COMMD5: variants seen among roughly 807,000 people sequenced by gnomAD.
The protein encoded by COMMD5 is COMM domain-containing protein 5.
In COMMD5, 10 loss-of-function variants were observed where a neutral mutation model predicts 6.9. That is an observed-to-expected ratio of 1.44 (90% CI 0.89 to 2.45). The LOEUF (loss-of-function observed/expected upper bound fraction) is 2.45, where lower values mean the gene tolerates loss of function less well. Among genes scored for constraint, COMMD5 ranks in the 30% most tolerant of loss-of-function variants. The pLI, the probability that COMMD5 is intolerant of heterozygous loss-of-function variation, is 0.00. For missense variants in COMMD5, 234 were observed against 287.8 expected (o/e 0.81, Z 1.35); for synonymous variants, 127 against 125.3 (o/e 1.01, Z -0.09).
At chr8:144,841,669 GGA>G (rs1829928457) in exon 2 of COMMD5, 5 of 1,613,910 alleles carry the variant, frequency 3.1e-6, no homozygotes, top group Non-Finnish European at 4.2e-6. Context: ...TGAAAGTCAG[GGA>G]GAGAGTGCGG....
downstream of COMMD5, chr8:144,846,605 A>T (rs1270323220): frequency 1.2e-5 from 2 of 169,790 alleles, no homozygotes; most frequent in African/African-American, 4.8e-5. Flanking sequence ...ATGTCACGGT[A>T]CAACTGAGAA....
chr8:144,842,918 C>G (rs1830138939), intron 1 of COMMD5: 4 of 1,614,056 alleles, frequency 2.5e-6, no homozygotes, highest in Non-Finnish European at 3.4e-6. Flanking sequence ...AGAATACACA[C>G]TAGGGCCCAG....
chr8:144,851,665 C>T (rs990604989), intron 1 of COMMD5, among the ~76,000 whole-genome samples: 1 of 151,864 alleles, frequency 6.6e-6, no homozygotes, highest in Non-Finnish European at 1.5e-5. Flanking sequence ...GACCAGGAAA[C>T]AGCACAAGTT....
intron 1 of COMMD5, 99 bp from the exon 2 acceptor site, chr8:144,851,494 T>C (rs1830743623): frequency 9.8e-6 from 8 of 816,346 alleles, no homozygotes; most frequent in Non-Finnish European, 1.5e-5. Context: ...GCTGACAGTG[T>C]GAACTACCAA....
intron 1 of COMMD5, among the ~76,000 whole-genome samples, chr8:144,844,725 A>ACAAAC (rs1563850625): frequency 3.1e-4 from 19 of 60,954 alleles, no homozygotes; most frequent in African/African-American, 1.2e-3. Context: ...AAAAAAAAAA[A>ACAAAC]AAAAAAAAAA....
At chr8:144,838,100 C>G (rs561748176), downstream of COMMD5, 1 of 702,860 alleles carries the variant, frequency 1.4e-6, no homozygotes, top group African/African-American at 1.7e-5. Flanking sequence ...CCTGCCTCTC[C>G]GGGCAGCTGG....
At chr8:144,841,586 C>T in exon 2 of COMMD5, 1 of 1,614,106 alleles carries the variant, frequency 6.2e-7, no homozygotes, top group Non-Finnish European at 8.5e-7. Flanking sequence ...ACTGTGGTTC[C>T]CAAGACCTTC....
downstream of COMMD5, chr8:144,847,210 G>C (rs1023642142): frequency 6.6e-6 from 1 of 152,292 alleles, no homozygotes; most frequent in Non-Finnish European, 1.5e-5. Context: ...GGCTGCTCAT[G>C]GGGTAGTGCA....
At position 144,850,720 on chromosome 8, in the gene COMMD5, C is replaced by A. The variant is rs766041800; in HGVS notation, c.619G>T (p.Val207Phe). The A allele has an allele frequency of 6.2e-6, 10 of 1,614,114 alleles. No individual in the cohort carries two copies. Among genetic ancestry groups the A allele is most frequent in the South Asian group, 1.1e-5 (1 of 91,082 alleles). The change falls in exon 2 of 2, where the codon GTC becomes TTC. Residue 207 changes from valine to phenylalanine, a missense_variant. Transcript: ENST00000305103. The surrounding 1 kb of genome is among the most constrained non-coding windows in gnomAD (Gnocchi z 4.0). ...FQELRYSVAL[V>F]LKEMADLEKR... ...TCCAGATCTGCCATCTCCTTTAGGACCAGGGCCACGCTGTACCGCAGCTCC... is the reference window on the plus strand; with the variant it reads ...TCCAGATCTGCCATCTCCTTTAGGAACAGGGCCACGCTGTACCGCAGCTCC...
At chr8:144,841,417 T>C (rs771990022) in exon 2 of COMMD5, 1 of 1,613,780 alleles carries the variant, frequency 6.2e-7, no homozygotes, top group Non-Finnish European at 8.5e-7. Flanking sequence ...AAAATCAGAA[T>C]CCTATGGGAC....
At position 144,841,048 on chromosome 8, in the gene COMMD5, TC is replaced by T. The variant is rs1829836595; in HGVS notation, c.*811del. ...CCCACCCTTCTGGTCTTGCTTTGTCTCCTTTGCCTCTGCATGGACTGTGCCC... is the reference window on the plus strand; with the variant it reads ...CCCACCCTTCTGGTCTTGCTTTGTCTCTTTGCCTCTGCATGGACTGTGCCC... On this transcript the variant is annotated 3_prime_UTR_variant and NMD_transcript_variant, in exon 2 of 2. Transcript: ENST00000530332. 2.3e-5 allele frequency: 7 copies of T among 300,566 alleles called. No homozygotes were observed. In the East Asian group the frequency reaches 4.3e-4, roughly 19 times the overall value. 18.6% of individuals were successfully genotyped at this position (300,566 alleles called of 1,614,324 possible).
chr8:144,846,115 T>TCCTGGTTCATGAACCA (rs1371881039), downstream of COMMD5: 1 of 1,536,258 alleles, frequency 6.5e-7, no homozygotes, highest in South Asian at 1.2e-5. Context: ...CATCTCCTCT[T>TCCTGGTTCATGAACCA]GGCCACTTCC....
downstream of COMMD5, among the ~76,000 whole-genome samples, chr8:144,840,454 G>A (rs750715714): frequency 3.9e-5 from 6 of 152,292 alleles, no homozygotes; most frequent in Admixed American, 6.5e-5. Flanking sequence ...CTGTGGCTGC[G>A]TGGTTGTGGT....
At chr8:144,839,028 T>A (rs574358094), downstream of COMMD5, among the ~76,000 whole-genome samples, 1 of 144,016 alleles carries the variant, frequency 6.9e-6, no homozygotes. Context: ...TCCATTCATA[T>A]GCGCCTAGGG....
chr8:144,841,424 G>C (rs1026681178), exon 2 of COMMD5: 2 of 1,614,148 alleles, frequency 1.2e-6, no homozygotes, highest in South Asian at 1.1e-5. Flanking sequence ...GAATCCTATG[G>C]GACAGTGGTC....
chr8:144,841,871 G>A (rs753798723), intron 1 of COMMD5: 4 of 1,614,160 alleles, frequency 2.5e-6, no homozygotes, highest in Non-Finnish European at 2.5e-6. Context: ...TGTGCAGAGT[G>A]TGGGAAAGTC....
chr8:144,842,019 G>A (rs1377160675), intron 1 of COMMD5: 2 of 1,614,094 alleles, frequency 1.2e-6, no homozygotes, highest in African/African-American at 1.3e-5. Context: ...CTGGGGAGAA[G>A]CCCTACAGAT....
downstream of COMMD5, chr8:144,838,055 TG>T (rs1563834150): frequency 1.4e-6 from 1 of 693,682 alleles, no homozygotes; most frequent in South Asian, 1.5e-5. Context: ...AGCAGGGCCG[TG>T]CCCCCCTGTG....
chr8:144,850,931 G>A lies in COMMD5; in HGVS notation c.408C>T (p.Pro136=). The A allele has an allele frequency of 6.2e-7, 1 of 1,607,764 alleles. No homozygotes were observed. Among genetic ancestry groups the A allele is most frequent in the South Asian group, 1.1e-5 (1 of 90,394 alleles). Residue 136 remains proline (P), a synonymous_variant, in exon 2 of 2, where the codon CCC becomes CCT. Coordinates refer to ENST00000305103, the MANE Select transcript of COMMD5 (RefSeq NM_014066.4). This position sits in a 1 kb window ranked among gnomAD's most constrained non-coding sequence, Gnocchi z 4.0. The part of the protein sequence containing the change: ...LASVVFGSQR[P]LLDSVAQQQG... ...GCTGCTGGGCCACAGAATCAAGGAG[G>A]GGCCGCTGGCTCCCAAATACCACGC...
Sources: allele counts gnomAD v4.1 joint callset (sites outside exome capture counted in the v4.1 genomes callset), GRCh38; gene constraint gnomAD v4.1.1; non-coding constraint Gnocchi (gnomAD v3.1); transcripts MANE v1.5; gene names NCBI Gene and HGNC (gene_info 2026-07-23, HGNC 2026-07-21).